CABP4: variants seen among roughly 807,000 people sequenced by gnomAD.
The protein encoded by CABP4 is calcium binding protein 4.
A neutral mutation model predicts 30.7 loss-of-function variants in CABP4; 30 were observed. That is an observed-to-expected ratio of 0.98 (90% CI 0.73 to 1.33). The LOEUF is 1.33. Ranked by LOEUF, CABP4 falls within the 40% of genes most tolerant of loss-of-function variation. The pLI is 0.00. For missense variants in CABP4, 424 were observed against 395.5 expected (o/e 1.07, Z -0.61); for synonymous variants, 161 against 159.2 (o/e 1.01, Z -0.08).
rs1419723853 is a variant in CABP4 at position 67,458,833 on chromosome 11, C to T, written c.*174C>T. ...TTGGCTTGTTATGTTACCTGCCCAC[C>T]CTCATCCTTACCTCCTCCTACTCAA... On this transcript the variant is annotated 3_prime_UTR_variant, in exon 6 of 6. Coordinates refer to ENST00000325656, the MANE Select transcript of CABP4 (RefSeq NM_145200.5). 2.7e-6 allele frequency: 2 copies of T among 748,344 alleles called. No homozygotes were observed. 46.4% of individuals were successfully genotyped at this position (748,344 alleles called of 1,614,324 possible).
At position 67,458,421 on chromosome 11, in the gene CABP4, G is replaced by T; in HGVS notation, c.702G>T (p.Ala234=). Residue 234 remains alanine (A), a synonymous_variant, in exon 5 of 6, where the codon GCG becomes GCT. Transcript: ENST00000325656. ...GRITVAELRE[A]VPALLGEPLA... ...TTACGGTGGCGGAGCTGCGGGAGGC[G>T]GTACCGGCTCTGCTCGGGGAGCCGC... The T allele has an allele frequency of 1.9e-6, 3 of 1,613,758 alleles. No individual in the cohort carries two copies. Among genetic ancestry groups the T allele is most frequent in the Non-Finnish European group, 2.5e-6 (3 of 1,179,838 alleles).
intron 1 of CABP4, 135 bp downstream of exon 1, chr11:67,455,924 G>A (rs1326818001): frequency 1.5e-6 from 2 of 1,331,062 alleles, no homozygotes; most frequent in Non-Finnish European, 1.0e-6. Flanking sequence ...GTGGGGCAGG[G>A]TTGCTGCGGT....
chr11:67,456,126 A>C, intron 1 of CABP4, 62 bp from the exon 2 acceptor site: 1 of 1,612,666 alleles, frequency 6.2e-7, no homozygotes, highest in Non-Finnish European at 8.5e-7. Flanking sequence ...GCAGGGGATG[A>C]AGGAGGAAGG....
In CABP4 at chr11:67,461,717, A is replaced by G. The variant is rs907485637; in HGVS notation, c.*3058A>G. ...GTCAAGTCAACAAATGAGTGTGGCT[A>G]TATCAGAAATTTTAATAAATAACAG... is the stretch of plus-strand genomic sequence containing the variant. On this transcript the variant is annotated 3_prime_UTR_variant, in exon 6 of 6. Transcript: ENST00000325656. The G allele has an allele frequency of 1.3e-5, 2 of 152,254 alleles. No homozygotes were observed. The highest frequency in any genetic ancestry group is 2.4e-5 in the African/African-American group (1 of 41,456). 9.4% of individuals were successfully genotyped at this position (152,254 alleles called of 1,614,324 possible).
chr11:67,456,450 AG>A lies in CABP4; in HGVS notation c.541+11del, dbSNP rs757313404. On this transcript the variant is annotated intron_variant, in intron 3 of 5. Coordinates refer to ENST00000325656, the MANE Select transcript of CABP4 (RefSeq NM_145200.5). The stretch of plus-strand genomic sequence containing the variant: ...AGCACATCAAGATGCGCAGTCAGTC[AG>A]GGAGCCCGCCCGCCCGGGCAGCCTG... The A allele has an allele frequency of 4.4e-6, 7 of 1,607,580 alleles. No homozygotes were observed. The highest frequency in any genetic ancestry group is 2.7e-5 in the African/African-American group (2 of 74,654).
chr11:67,458,509 G>A lies in CABP4; in HGVS notation c.790G>A (p.Asp264Asn). The A allele has an allele frequency of 6.2e-7, 1 of 1,614,088 alleles. No homozygotes were observed. Among genetic ancestry groups the A allele is most frequent in the South Asian group, 1.1e-5 (1 of 91,082 alleles). The change falls in exon 5 of 6, where the codon GAC (aspartate) becomes AAC (asparagine). Residue 264 changes from aspartate (D) to asparagine (N), a missense_variant. Coordinates refer to ENST00000325656, the MANE Select transcript of CABP4 (RefSeq NM_145200.5). The part of the protein sequence containing the change: ...EVDLNGDGTV[D>N]FDEFVMMLSR... ...GGACCTCAATGGGGATGGCACCGTA[G>A]ACTTTGACGGTGAGTCTCCTTCCCG...
rs748573597 is a variant in CABP4, at chr11:67,456,446, A to C, written c.541+4A>C. The C allele has an allele frequency of 6.2e-7, 1 of 1,609,668 alleles. No homozygotes were observed. Among genetic ancestry groups the C allele is most frequent in the South Asian group, 1.1e-5 (1 of 91,068 alleles). On this transcript the variant is annotated splice_donor_region_variant and intron_variant, in intron 3 of 5. Coordinates refer to ENST00000325656, the MANE Select transcript of CABP4 (RefSeq NM_145200.5). ...TCGCAGCACATCAAGATGCGCAGTC[A>C]GTCAGGGAGCCCGCCCGCCCGGGCA...
Position 67,458,459 on chromosome 11 carries a change from A to G in CABP4, c.740A>G (p.Glu247Gly). ...ALLGEPLAGPELDEMLREVDL... is the reference protein window; with the variant it reads ...ALLGEPLAGPGLDEMLREVDL... ...CTCGGGGAGCCGCTGGCGGGTCCTGAGCTGGACGAGATGCTCCGAGAAGTG... is the reference window on the plus strand; with the variant it reads ...CTCGGGGAGCCGCTGGCGGGTCCTGGGCTGGACGAGATGCTCCGAGAAGTG... Residue 247 changes from glutamate (E) to glycine (G), a missense_variant, in exon 5 of 6, where the codon GAG becomes GGG. Physicochemically the swap from Glu to Gly is moderately conservative, Grantham distance 98 (BLOSUM62 -2). Transcript: ENST00000325656. 1 of 1,613,794 alleles carries G rather than the reference A, an allele frequency of 6.2e-7. No individual in the cohort carries two copies. The highest frequency in any genetic ancestry group is 1.3e-5 in the African/African-American group (1 of 74,902).
intron 3 of CABP4, 99 bp downstream of exon 3, chr11:67,456,541 T>G (rs1864811041): frequency 6.9e-7 from 1 of 1,450,468 alleles, no homozygotes; most frequent in Non-Finnish European, 9.4e-7. Flanking sequence ...GGGGTGCTAG[T>G]GGGAGTGAGG....
upstream of CABP4, chr11:67,453,008 T>C: frequency 7.9e-6 from 2 of 253,044 alleles, no homozygotes; most frequent in Non-Finnish European, 1.4e-5. Flanking sequence ...CAGACTTTTC[T>C]TTTCTTTTCT....
Position 67,458,482 on chromosome 11 carries a change from G to C in CABP4, c.763G>C (p.Val255Leu). The change falls in exon 5 of 6, where the codon GTG (valine) becomes CTG (leucine). Residue 255 changes from valine (V) to leucine (L), a missense_variant. Transcript: ENST00000325656. ...GPELDEMLRE[V>L]DLNGDGTVDF... ...TGAGCTGGACGAGATGCTCCGAGAA[G>C]TGGACCTCAATGGGGATGGCACCGT... 1 of 1,614,046 alleles carries C rather than the reference G, an allele frequency of 6.2e-7. No homozygotes were observed. The highest frequency in any genetic ancestry group is 2.2e-5 in the East Asian group (1 of 44,868).
intron 4 of CABP4, 121 bp from the exon 5 acceptor site, chr11:67,458,250 T>A: frequency 2.4e-6 from 2 of 817,750 alleles, no homozygotes; most frequent in African/African-American, 3.6e-5. Flanking sequence ...AGAGCAAGAC[T>A]CCATCTCAAA....
At position 67,455,731 on chromosome 11, in the gene CABP4, C is replaced by G. The variant is rs371987370; in HGVS notation, c.308C>G (p.Ser103Cys). The G allele has an allele frequency of 1.2e-6, 2 of 1,605,194 alleles. No individual in the cohort carries two copies. Among genetic ancestry groups the G allele is most frequent in the Non-Finnish European group, 1.7e-6 (2 of 1,176,982 alleles). Residue 103 changes from serine to cysteine, a missense_variant, in exon 1 of 6, where the codon TCC becomes TGC. Physicochemically the swap from Ser to Cys is moderately radical, Grantham distance 112 (BLOSUM62 -1). Transcript: ENST00000325656. Reference sequence around the variant, plus strand: ...CAGTCCCACCGACATCGTCCTGACTCCCTGCACGACGCTGCTCAGAGGACA... The same window carrying G: ...CAGTCCCACCGACATCGTCCTGACTGCCTGCACGACGCTGCTCAGAGGACA... The part of the protein sequence containing the change: ...SRQSHRHRPD[S>C]LHDAAQRTYG...
At chr11:67,454,952 C>T (rs926192798), upstream of CABP4, among the ~76,000 whole-genome samples, 1 of 152,214 alleles carries the variant, frequency 6.6e-6, no homozygotes, top group African/African-American at 2.4e-5. Flanking sequence ...TCCTTTCCCA[C>T]CTCCCAGCCG....
Position 67,458,533 on chromosome 11 carries a change from C to A in CABP4, c.799+15C>A. 1 of 1,614,102 alleles carries A rather than the reference C, an allele frequency of 6.2e-7. No individual in the cohort carries two copies. Among genetic ancestry groups the A allele is most frequent in the Non-Finnish European group, 8.5e-7 (1 of 1,180,010 alleles). ...AGACTTTGACGGTGAGTCTCCTTCC[C>A]GGAAAACCCTCCCGTGCTTCCAGGG... On this transcript the variant is annotated intron_variant, in intron 5 of 5. Transcript: ENST00000325656.
rs1161804290 is a variant in CABP4, at chr11:67,459,505, T to C, written c.*846T>C. ...GACCAGTCATAGAAAGTGGCAAGGA[T>C]ACAGATGTTCAGGGCCCAGAGTGGA... On this transcript the variant is annotated 3_prime_UTR_variant, in exon 6 of 6. Transcript: ENST00000325656. 1.3e-5 allele frequency: 2 copies of C among 152,354 alleles called. No individual in the cohort carries two copies. Among genetic ancestry groups the C allele is most frequent in the African/African-American group, 2.4e-5 (1 of 41,536 alleles). The allele number at this position is 152,354 out of a possible 1,614,324, so 9.4% of individuals were successfully genotyped here. A position where few individuals can be genotyped will look rare whatever the true frequency, so the allele number is the denominator to read the frequency against.
upstream of CABP4, chr11:67,455,268 G>C: frequency 1.9e-6 from 2 of 1,032,890 alleles, no homozygotes; most frequent in Non-Finnish European, 2.7e-6. Context: ...ACTGGGATTA[G>C]GGCCAGGGCT....
rs143040005 is a variant in CABP4 at position 67,455,704 on chromosome 11, G to A, written c.281G>A (p.Arg94His). 915 of 1,607,896 alleles carry A rather than the reference G, an allele frequency of 5.7e-4. 6 individuals carry two copies. In the Middle Eastern group the frequency reaches 9.3e-3, roughly 16 times the overall value. ...GCATCCCCTGGGCCGGCCTCTTCTC[G>A]CCAGTCCCACCGACATCGTCCTGAC... ...PPASPGPASS[R>H]QSHRHRPDSL... The change falls in exon 1 of 6, where the codon CGC becomes CAC. Residue 94 changes from arginine (R) to histidine (H), a missense_variant. Physicochemically the swap from Arg to His is conservative, Grantham distance 29. Coordinates refer to ENST00000325656, the MANE Select transcript of CABP4 (RefSeq NM_145200.5).
intron 1 of CABP4, 109 bp downstream of exon 1, chr11:67,455,898 A>G: frequency 1.4e-6 from 2 of 1,421,042 alleles, no homozygotes; most frequent in African/African-American, 1.4e-5. Context: ...CTTCTGCCCC[A>G]GACTGAGCCT....
Sources: allele counts gnomAD v4.1 joint callset (sites outside exome capture counted in the v4.1 genomes callset), GRCh38; gene constraint gnomAD v4.1.1; transcripts MANE v1.5; gene names NCBI Gene and HGNC (gene_info 2026-07-23, HGNC 2026-07-21).